MACF1: variants seen among roughly 807,000 people sequenced by gnomAD.
The protein encoded by MACF1 is microtubule-actin cross-linking factor 1.
In MACF1, 193 loss-of-function variants were observed where a neutral mutation model predicts 854.8. The ratio of observed to expected loss-of-function variants is 0.23; its 90% CI spans 0.20 to 0.25. The LOEUF is 0.25. MACF1 is among the 10% of genes least tolerant of loss of function. The probability of loss-of-function intolerance (pLI) is 1.00; values close to 1 mark genes in which losing one functional copy is unlikely to be tolerated. For synonymous variants in MACF1, 3,185 were observed against 3,226.7 expected (o/e 0.99, Z 0.44); for missense variants, 7,722 against 8,929.1 (o/e 0.86, Z 5.45).
intron 30 of MACF1, 44 bp downstream of exon 30, chr1:39,318,659 A>G: frequency 6.6e-7 from 1 of 1,514,134 alleles, no homozygotes; most frequent in Admixed American, 2.2e-5. Context: ...AGAAATTTAA[A>G]TTTTCTTTAT....
intron 97 of MACF1, among the ~76,000 whole-genome samples, chr1:39,477,055 A>ATG (rs1362540895): frequency 6.3e-5 from 1 of 15,962 alleles, no homozygotes; most frequent in Non-Finnish European, 1.1e-4. Context: ...GTATATATAT[A>ATG]TATATATATA....
rs1375773632 is a variant in MACF1 at position 39,251,133 on chromosome 1, G to A, written c.262-713G>A. On this transcript the variant is annotated intron_variant, in intron 3 of 100. Transcript: ENST00000564288. ...TGATATTCAGCTCCTTCTAGGATTG[G>A]GGCTTGGCTTCCCTGGGTCCTTTGT... Among the ~76,000 whole-genome samples, 5 of 152,156 alleles carry A rather than the reference G, an allele frequency of 3.3e-5. No individual in the cohort carries two copies. The East Asian group carries it at 9.7e-4, about 29-fold the overall frequency.
chr1:39,202,442 C>G (rs1454875013), upstream of MACF1, among the ~76,000 whole-genome samples: 1 of 151,342 alleles, frequency 6.6e-6, no homozygotes, highest in Non-Finnish European at 1.5e-5. Context: ...CGAGACCAGC[C>G]TGGCCAATGC....
At chr1:39,118,196 A>G (rs1000701984) in intron 2 of MACF1, among the ~76,000 whole-genome samples, 2 of 150,258 alleles carry the variant, frequency 1.3e-5, no homozygotes, top group Non-Finnish European at 2.9e-5. Context: ...TTCCAGACCT[A>G]CTACAAACAT....
intron 21 of MACF1, 113 bp from the exon 22 acceptor site, chr1:39,300,097 C>G (rs1646009119): frequency 5.5e-6 from 6 of 1,089,672 alleles, no homozygotes; most frequent in Non-Finnish European, 6.6e-6. Flanking sequence ...ACCATCCCTA[C>G]TTAACTGAGA....
chr1:39,170,705 C>T (rs529887), intron 2 of MACF1, among the ~76,000 whole-genome samples: 5,400 of 152,208 alleles, frequency 0.035, 256 homozygotes, highest in African/African-American at 0.11. Context: ...TAGGGATATA[C>T]CAGTAAATAA....
intron 31 of MACF1, 107 bp downstream of exon 31, chr1:39,319,854 C>A: frequency 1.3e-6 from 1 of 768,822 alleles, no homozygotes; most frequent in Admixed American, 2.5e-5. Context: ...AGTTCTTATG[C>A]TACAAGCTGG....
At chr1:39,236,260 G>A (rs1444204300) in intron 2 of MACF1, among the ~76,000 whole-genome samples, 1 of 152,146 alleles carries the variant, frequency 6.6e-6, no homozygotes, top group Non-Finnish European at 1.5e-5. Flanking sequence ...TGCAGAACTG[G>A]CTCTGGTTGC....
chr1:39,415,836 TGAACACAAGAGA>T (rs1643284065), intron 58 of MACF1, among the ~76,000 whole-genome samples: 1 of 152,194 alleles, frequency 6.6e-6, no homozygotes, highest in Non-Finnish European at 1.5e-5. Context: ...AGGTTTAATC[TGAACACAAGAGA>T]TGACTGAGTG....
chr1:39,338,687 C>T (rs1646871590), intron 38 of MACF1, among the ~76,000 whole-genome samples: 1 of 152,150 alleles, frequency 6.6e-6, no homozygotes, highest in African/African-American at 2.4e-5. Context: ...ATATTCCATA[C>T]AGAAATCAGT....
chr1:39,094,476 C>T (rs1377286100), intron 2 of MACF1, among the ~76,000 whole-genome samples: 1 of 151,180 alleles, frequency 6.6e-6, no homozygotes, highest in East Asian at 1.9e-4. Context: ...AATCCCAGCA[C>T]TTTGGGAGGC....
At chr1:39,311,261 G>C (rs1431962206) in intron 26 of MACF1, among the ~76,000 whole-genome samples, 3 of 152,128 alleles carry the variant, frequency 2.0e-5, no homozygotes, top group Non-Finnish European at 2.9e-5. Flanking sequence ...AGTATATTTG[G>C]GCTATGTATT....
chr1:39,142,391 G>T (rs772886204), intron 2 of MACF1, among the ~76,000 whole-genome samples: 1 of 152,162 alleles, frequency 6.6e-6, no homozygotes, highest in Admixed American at 6.5e-5. Context: ...TGGAGTATTT[G>T]GGCCCAGGAA....
At chr1:39,174,299 T>A (rs1643996072) in intron 2 of MACF1, among the ~76,000 whole-genome samples, 1 of 152,190 alleles carries the variant, frequency 6.6e-6, no homozygotes, top group Non-Finnish European at 1.5e-5. Flanking sequence ...TAGACCATTT[T>A]CATAGGGTTA....
At position 39,455,040 on chromosome 1, in the gene MACF1, T is replaced by C. The variant is rs1303444268; in HGVS notation, c.21018T>C (p.Asp7006=). 9.3e-6 allele frequency: 15 copies of C among 1,614,022 alleles called. No homozygotes were observed. The highest frequency in any genetic ancestry group is 1.3e-5 in the Non-Finnish European group (15 of 1,180,032). ...QWAETTLIQR[D]QEPIPQNIDR... is the part of the protein sequence containing the mutation. Reference sequence around the variant, plus strand: ...CTGAGACCACCCTCATTCAGCGGGATCAGGAGCCAATCCCGCAGAACATTG... The same window carrying C: ...CTGAGACCACCCTCATTCAGCGGGACCAGGAGCCAATCCCGCAGAACATTG... Residue 7006 remains aspartate, a synonymous_variant, in exon 89 of 101, where the codon GAT becomes GAC. Transcript: ENST00000564288.
chr1:39,086,544 C>T (rs1317312761), intron 2 of MACF1, among the ~76,000 whole-genome samples: 1 of 152,232 alleles, frequency 6.6e-6, no homozygotes, highest in Non-Finnish European at 1.5e-5. Context: ...ACTCATAAAC[C>T]TCTTTCTCCT....
intron 58 of MACF1, among the ~76,000 whole-genome samples, chr1:39,397,943 A>T (rs1451293049): frequency 6.6e-6 from 1 of 152,206 alleles, no homozygotes; most frequent in East Asian, 1.9e-4. Context: ...AAAAAACTCT[A>T]AATCAGACAT....
chr1:39,143,009 C>T (rs927007046), intron 2 of MACF1, among the ~76,000 whole-genome samples: 1 of 152,142 alleles, frequency 6.6e-6, no homozygotes, highest in African/African-American at 2.4e-5. Context: ...AAGGCGGTGA[C>T]CCGAGTGAAG....
At chr1:39,218,079 A>C (rs1644600382) in intron 1 of MACF1, among the ~76,000 whole-genome samples, 1 of 145,402 alleles carries the variant, frequency 6.9e-6, no homozygotes, top group Non-Finnish European at 1.5e-5. Context: ...GCTACTCGGG[A>C]GGCTGAGGCA....
Sources: allele counts gnomAD v4.1 joint callset (sites outside exome capture counted in the v4.1 genomes callset), GRCh38; gene constraint gnomAD v4.1.1; transcripts MANE v1.5; gene names NCBI Gene and HGNC (gene_info 2026-07-23, HGNC 2026-07-21).